Variants in CSMD1 observed in about 807,000 individuals in gnomAD.
CSMD1 encodes CUB and sushi domain-containing protein 1.
Under a neutral mutation model 417.5 loss-of-function variants are expected in CSMD1, and 213 were observed. The observed-to-expected ratio is 0.51, with a 90% confidence interval of 0.46 to 0.57. The LOEUF is 0.57. CSMD1 is among the 20% of genes least tolerant of loss of function. The probability of loss-of-function intolerance (pLI) is 0.00; values close to 1 mark genes in which losing one functional copy is unlikely to be tolerated. For missense variants in CSMD1, 6,923 were observed against 4,529.7 expected (o/e 1.53, Z -15.17); for synonymous variants, 2,862 against 1,736.8 (o/e 1.65, Z -16.11).
At chr8:4,356,675 G>C (rs554445348) in intron 3 of CSMD1, among the ~76,000 whole-genome samples, 2 of 152,244 alleles carry the variant, frequency 1.3e-5, no homozygotes, top group Admixed American at 1.3e-4. Flanking sequence ...GTTAGTGAGG[G>C]CTTCTTTCCA....
intron 1 of CSMD1, among the ~76,000 whole-genome samples, chr8:4,775,319 T>A (rs889839619): frequency 2.0e-5 from 3 of 152,174 alleles, no homozygotes; most frequent in African/African-American, 7.2e-5. Flanking sequence ...CAAGGTGATA[T>A]GTAGCAGTGA....
intron 5 of CSMD1, among the ~76,000 whole-genome samples, chr8:3,943,537 A>C (rs1324107076): frequency 1.3e-5 from 2 of 152,062 alleles, no homozygotes; most frequent in Non-Finnish European, 2.9e-5. Flanking sequence ...CAGAGATTCA[A>C]AGAATCTCTC....
intron 3 of CSMD1, among the ~76,000 whole-genome samples, chr8:4,404,486 G>C (rs1028893606): frequency 6.6e-6 from 1 of 152,142 alleles, no homozygotes; most frequent in Admixed American, 6.6e-5. Flanking sequence ...GAGGCATATT[G>C]AGTGATACAA....
intron 47 of CSMD1, among the ~76,000 whole-genome samples, chr8:3,095,373 C>T (rs985689862): frequency 2.6e-5 from 4 of 151,996 alleles, no homozygotes; most frequent in Admixed American, 2.6e-4. Flanking sequence ...TTTATACTTG[C>T]GTAATGAGTT....
chr8:4,529,097 C>A (rs1001126864), intron 2 of CSMD1, among the ~76,000 whole-genome samples: 2 of 152,128 alleles, frequency 1.3e-5, no homozygotes, highest in Admixed American at 1.3e-4. Context: ...AACTCTCTCT[C>A]ATGAGTAACA....
At chr8:4,235,726 C>G (rs1235175229) in intron 3 of CSMD1, among the ~76,000 whole-genome samples, 1 of 152,180 alleles carries the variant, frequency 6.6e-6, no homozygotes, top group Non-Finnish European at 1.5e-5. Flanking sequence ...TGTAAGTTCT[C>G]ACATGCAAGT....
At chr8:4,247,090 C>T (rs1038163144) in intron 3 of CSMD1, among the ~76,000 whole-genome samples, 2 of 152,116 alleles carry the variant, frequency 1.3e-5, no homozygotes, top group Admixed American at 1.3e-4. Context: ...ATGGGTTGTA[C>T]GGTCTAGTGA....
Position 4,815,412 on chromosome 8 carries a change from G to A in CSMD1, c.86-177854C>T, listed in dbSNP as rs969652202. ...TACTGTACTGCAATATATTAAGAAA[G>A]GAACCGGGCTTATTGGCTCAAGCCT... On this transcript the variant is annotated intron_variant, in intron 1 of 69. Coordinates refer to ENST00000635120, the MANE Select transcript of CSMD1 (RefSeq NM_033225.6). Among the ~76,000 whole-genome samples the A allele has an allele frequency of 5.3e-5, 8 of 152,154 alleles. No homozygotes were observed. In the East Asian group the frequency reaches 9.7e-4, roughly 18 times the overall value.
rs373234616 is a variant in CSMD1, at chr8:4,358,192, A to AT, written c.415+61760dup. Among the ~76,000 whole-genome samples the AT allele has an allele frequency of 7.5e-3, 1,136 of 152,282 alleles. 6 individuals are homozygous for AT. The highest frequency in any genetic ancestry group is 0.011 in the Non-Finnish European group (737 of 68,028). The stretch of plus-strand genomic sequence containing the variant: ...TGACGTTCACTTTATTCAGGGATGA[A>AT]TGTCTTCTGGGGTGTTATAATTTTA... On this transcript the variant is annotated intron_variant, in intron 3 of 69. Coordinates refer to ENST00000635120, the MANE Select transcript of CSMD1 (RefSeq NM_033225.6).
chr8:2,962,964 T>C (rs1325979805), intron 60 of CSMD1, among the ~76,000 whole-genome samples: 1 of 152,104 alleles, frequency 6.6e-6, no homozygotes, highest in East Asian at 1.9e-4. Context: ...GGGAGGATGG[T>C]TTGAGCCCGA....
At chr8:4,415,614 G>C (rs1351515894) in intron 3 of CSMD1, among the ~76,000 whole-genome samples, 1 of 152,140 alleles carries the variant, frequency 6.6e-6, no homozygotes, top group Non-Finnish European at 1.5e-5. Context: ...ACTAGTCACT[G>C]ACAATAAGCA....
intron 1 of CSMD1, among the ~76,000 whole-genome samples, chr8:4,912,738 T>C (rs1437976930): frequency 1.3e-5 from 2 of 152,170 alleles, no homozygotes; most frequent in African/African-American, 4.8e-5. Flanking sequence ...TTTCTATTAG[T>C]TTGAAATTTT....
chr8:4,253,387 A>G (rs1803220870), intron 3 of CSMD1, among the ~76,000 whole-genome samples: 1 of 151,776 alleles, frequency 6.6e-6, no homozygotes, highest in Non-Finnish European at 1.5e-5. Flanking sequence ...TTTTTCATTG[A>G]GTCCATAATC....
intron 5 of CSMD1, among the ~76,000 whole-genome samples, chr8:3,815,882 A>C (rs2129079744): frequency 6.6e-6 from 1 of 152,334 alleles, no homozygotes. Flanking sequence ...CAGACTTGTT[A>C]CACTAAATTA....
At chr8:4,253,538 T>C (rs12677765) in intron 3 of CSMD1, among the ~76,000 whole-genome samples, 27,808 of 152,134 alleles carry the variant, frequency 0.18, 3,198 homozygotes, top group East Asian at 0.51. Context: ...AAAAGGATGA[T>C]GTTATTTAAT....
At chr8:3,314,155 G>T (rs1025814227) in intron 23 of CSMD1, among the ~76,000 whole-genome samples, 1 of 152,008 alleles carries the variant, frequency 6.6e-6, no homozygotes, top group Non-Finnish European at 1.5e-5. Context: ...AGCATTAGGA[G>T]ATATACCTAA....
At chr8:4,268,758 A>T (rs1338483577) in intron 3 of CSMD1, among the ~76,000 whole-genome samples, 1 of 152,118 alleles carries the variant, frequency 6.6e-6, no homozygotes, top group East Asian at 1.9e-4. Flanking sequence ...TGCTAAAAAA[A>T]AAACCCACAA....
At chr8:3,659,282 G>C (rs967189695) in intron 7 of CSMD1, among the ~76,000 whole-genome samples, 1 of 152,158 alleles carries the variant, frequency 6.6e-6, no homozygotes, top group Non-Finnish European at 1.5e-5. Flanking sequence ...AAATTGCAGA[G>C]ATGATCACCT....
intron 5 of CSMD1, among the ~76,000 whole-genome samples, chr8:3,836,707 A>G (rs1416056570): frequency 2.0e-5 from 3 of 152,190 alleles, no homozygotes; most frequent in African/African-American, 7.2e-5. Context: ...AATTGGGAAA[A>G]TAAACAGATT....
Sources: gnomAD v4.1 joint callset for allele counts (sites outside exome capture counted in the v4.1 genomes callset) on GRCh38, gnomAD v4.1.1 for gene constraint, MANE v1.5 for transcripts, NCBI Gene and HGNC (gene_info 2026-07-23, HGNC 2026-07-21) for gene names.